The following CCDC197 variants were observed in gnomAD, a reference collection of about 807,000 sequenced individuals.
CCDC197 encodes uncharacterized protein CCDC197.
A neutral mutation model predicts 13.4 loss-of-function variants in CCDC197; 24 were observed. That is an observed-to-expected ratio of 1.80 (90% confidence interval 1.30 to 2.53). The LOEUF (loss-of-function observed/expected upper bound fraction) is 2.53, where lower values mean the gene tolerates loss of function less well. CCDC197 is among the 30% of genes most tolerant of loss of function. The pLI is 0.00. For missense variants in CCDC197, 255 were observed against 148.8 expected (o/e 1.71, Z -3.71); for synonymous variants, 99 against 55.5 (o/e 1.78, Z -3.48).
intron 1 of CCDC197, among the ~76,000 whole-genome samples, chr14:93,989,846 G>A (rs1890175367): frequency 6.6e-6 from 1 of 152,138 alleles, no homozygotes; most frequent in African/African-American, 2.4e-5. Flanking sequence ...AGGCCCTGGG[G>A]AAGAATCTAC....
At chr14:93,989,827 C>T (rs1890175051) in intron 1 of CCDC197, among the ~76,000 whole-genome samples, 1 of 152,162 alleles carries the variant, frequency 6.6e-6, no homozygotes, top group Non-Finnish European at 1.5e-5. Context: ...GGTCGGGCCT[C>T]TTATCTGGAG....
At chr14:93,987,804 A>G (rs891371111) in intron 1 of CCDC197, among the ~76,000 whole-genome samples, 6 of 151,858 alleles carry the variant, frequency 4.0e-5, no homozygotes, top group Non-Finnish European at 7.4e-5. Context: ...AAGTGGAACT[A>G]TTATTATTTT....
At chr14:93,991,193 G>A (rs1042689127) in intron 1 of CCDC197, among the ~76,000 whole-genome samples, 3 of 152,196 alleles carry the variant, frequency 2.0e-5, no homozygotes, top group African/African-American at 7.2e-5. Flanking sequence ...TACAAGAAAG[G>A]GCAGATGTTC....
Position 94,003,166 on chromosome 14 carries a change from A to G in CCDC197, c.367-57A>G. ...ACAGACCACCCTGGGGACTCAGACC[A>G]GGGCATATGCCCTGGAGGGTTTGTT... On this transcript the variant is annotated intron_variant, in intron 4 of 6. Coordinates refer to ENST00000636493, the MANE Select transcript of CCDC197 (RefSeq NM_001351596.2). The surrounding 1 kb of genome is among the most constrained non-coding windows in gnomAD (Gnocchi z 5.0). 1.3e-6 allele frequency: 1 copy of G among 752,394 alleles called. No individual in the cohort carries two copies. Among genetic ancestry groups the G allele is most frequent in the South Asian group, 1.4e-5 (1 of 70,298 alleles). 46.6% of individuals were successfully genotyped at this position (752,394 alleles called of 1,614,324 possible). A position where few individuals can be genotyped will look rare whatever the true frequency, so the allele number is the denominator to read the frequency against.
At position 94,001,334 on chromosome 14, in the gene CCDC197, C is replaced by T. The variant is rs772994946; in HGVS notation, c.366+11C>T. On this transcript the variant is annotated intron_variant, in intron 4 of 6. Coordinates refer to ENST00000636493, the MANE Select transcript of CCDC197 (RefSeq NM_001351596.2). ...AGGGCTCTCATGTTGGTAACAGCTG[C>T]TTGAAGTCTGCTCCATTCCCCGTGG... 1.3e-6 allele frequency: 1 copy of T among 759,628 alleles called. No individual in the cohort carries two copies. Among genetic ancestry groups the T allele is most frequent in the Non-Finnish European group, 2.5e-6 (1 of 406,322 alleles). The allele number at this position is 759,628 out of a possible 1,614,324, so 47.1% of individuals were successfully genotyped here.
upstream of CCDC197, among the ~76,000 whole-genome samples, chr14:93,992,920 C>T (rs1386853258): frequency 6.6e-6 from 1 of 152,132 alleles, no homozygotes; most frequent in Non-Finnish European, 1.5e-5. Flanking sequence ...GCCCAGGATG[C>T]CCTGGGTTTT....
At chr14:94,005,264 A>C (rs183811686) in intron 6 of CCDC197, among the ~76,000 whole-genome samples, 1 of 152,332 alleles carries the variant, frequency 6.6e-6, no homozygotes, top group African/African-American at 2.4e-5. Context: ...GCACACACAC[A>C]GTACACACCC....
At position 94,003,379 on chromosome 14, in the gene CCDC197, G is replaced by T; in HGVS notation, c.498+25G>T. 1.4e-6 allele frequency: 1 copy of T among 717,284 alleles called. No homozygotes were observed. The allele number at this position is 717,284 out of a possible 1,614,324, so 44.4% of individuals were successfully genotyped here. Reference sequence around the variant, plus strand: ...TGTGAGTCCAGTCTTTCAGCCTGGGGGTGGGGTTAGGGGTGGGGAAGGGGA... The same window carrying T: ...TGTGAGTCCAGTCTTTCAGCCTGGGTGTGGGGTTAGGGGTGGGGAAGGGGA... On this transcript the variant is annotated intron_variant, in intron 5 of 6. Coordinates refer to ENST00000636493, the MANE Select transcript of CCDC197 (RefSeq NM_001351596.2). The surrounding 1 kb of genome is among the most constrained non-coding windows in gnomAD (Gnocchi z 5.0).
At chr14:93,990,557 C>G (rs1890191757) in intron 1 of CCDC197, among the ~76,000 whole-genome samples, 1 of 152,204 alleles carries the variant, frequency 6.6e-6, no homozygotes, top group African/African-American at 2.4e-5. Context: ...GGGGACATCT[C>G]CTTCCAAGCC....
rs1386557342 is a variant in CCDC197 at position 93,997,502 on chromosome 14, A to G, written c.-203A>G. ...CAAGACCGTGTTGAAGCTACTTGTAACTAGACCATTTTCCCAGCTTGACCA... is the reference window on the plus strand; with the variant it reads ...CAAGACCGTGTTGAAGCTACTTGTAGCTAGACCATTTTCCCAGCTTGACCA... On this transcript the variant is annotated 5_prime_UTR_variant, in exon 1 of 7. Coordinates refer to ENST00000636493, the MANE Select transcript of CCDC197 (RefSeq NM_001351596.2). 1 of 152,784 alleles carries G rather than the reference A, an allele frequency of 6.5e-6. No individual in the cohort carries two copies. Among genetic ancestry groups the G allele is most frequent in the Non-Finnish European group, 1.5e-5 (1 of 68,538 alleles). 9.5% of individuals were successfully genotyped at this position (152,784 alleles called of 1,614,324 possible).
At chr14:94,005,107 GC>G (rs1319093770) in intron 6 of CCDC197, 136 bp downstream of exon 6, 1 of 604,206 alleles carries the variant, frequency 1.7e-6, no homozygotes, top group East Asian at 2.8e-5. Context: ...CTACATTGGT[GC>G]CTGGTGCAGT....
intron 1 of CCDC197, among the ~76,000 whole-genome samples, chr14:93,992,145 C>G (rs1285358799): frequency 6.6e-6 from 1 of 152,220 alleles, no homozygotes; most frequent in East Asian, 1.9e-4. Context: ...ACCTGAACAT[C>G]ACTGGTTTTG....
intron 6 of CCDC197, chr14:94,007,234 G>A (rs2141388953): frequency 6.6e-6 from 1 of 152,336 alleles, no homozygotes; most frequent in African/African-American, 2.4e-5. Context: ...CCTGTTTCTT[G>A]TGAGAAGTTT....
upstream of CCDC197, among the ~76,000 whole-genome samples, chr14:93,996,214 G>A (rs950209317): frequency 6.6e-6 from 1 of 151,198 alleles, no homozygotes; most frequent in Non-Finnish European, 1.5e-5. Flanking sequence ...TCCCTCCTGA[G>A]TCTGAACCCA....
At chr14:94,010,773 G>A (rs747496184), downstream of CCDC197, among the ~76,000 whole-genome samples, 27 of 152,162 alleles carry the variant, frequency 1.8e-4, no homozygotes, top group Non-Finnish European at 3.5e-4. Context: ...CTCCATCAAG[G>A]GCGGTGCAAG....
At chr14:94,002,870 AAAT>A (rs1567043755) in intron 4 of CCDC197, among the ~76,000 whole-genome samples, 169 of 148,542 alleles carry the variant, frequency 1.1e-3, no homozygotes, top group African/African-American at 3.9e-3. Flanking sequence ...AAAAAAAACA[AAAT>A]TATAAAGAAA....
At chr14:93,995,283 A>C (rs1890260145), upstream of CCDC197, among the ~76,000 whole-genome samples, 1 of 152,132 alleles carries the variant, frequency 6.6e-6, no homozygotes. Context: ...TCCTTCCAGA[A>C]CTTGTTGGAA....
intron 3 of CCDC197, 186 bp from the exon 4 acceptor site, chr14:94,000,959 C>T (rs1011380729): frequency 3.3e-5 from 10 of 303,880 alleles, no homozygotes; most frequent in African/African-American, 2.1e-4. Context: ...GTGGAGGGGG[C>T]GGGAGGGCGG....
At chr14:93,992,328 T>C (rs575979104), upstream of CCDC197, among the ~76,000 whole-genome samples, 37 of 152,256 alleles carry the variant, frequency 2.4e-4, no homozygotes, top group African/African-American at 8.9e-4. Context: ...CCAGAGACTT[T>C]GGAGGCAGAG....
Sources: allele counts gnomAD v4.1 joint callset (sites outside exome capture counted in the v4.1 genomes callset), GRCh38; gene constraint gnomAD v4.1.1; non-coding constraint Gnocchi (gnomAD v3.1); transcripts MANE v1.5; gene names NCBI Gene and HGNC (gene_info 2026-07-23, HGNC 2026-07-21).